The following ACSBG1 variants were observed in gnomAD, a reference collection of about 807,000 sequenced individuals.
ACSBG1 encodes the protein acyl-CoA synthetase bubblegum family member 1.
Under a neutral mutation model 80.2 loss-of-function variants are expected in ACSBG1, and 39 were observed. That is an observed-to-expected ratio of 0.49 (90% CI 0.38 to 0.64). ACSBG1 has a LOEUF of 0.64. ACSBG1 is among the 30% of genes least tolerant of loss of function. The pLI, the probability that ACSBG1 is intolerant of heterozygous loss-of-function variation, is 0.00. For synonymous variants in ACSBG1, 392 were observed against 379.5 expected (o/e 1.03, Z -0.38); for missense variants, 828 against 966.4 (o/e 0.86, Z 1.90).
At chr15:78,182,406 G>GGCCC in intron 7 of ACSBG1, 60 bp downstream of exon 7, 1 of 1,592,406 alleles carries the variant, frequency 6.3e-7, no homozygotes, top group Non-Finnish European at 8.5e-7. Context: ...GCAGAGCCAT[G>GGCCC]GCCCAGATCC....
rs1273870928 is a variant in ACSBG1, at chr15:78,172,488, A to T, written c.2090-959T>A. On this transcript the variant is annotated intron_variant, in intron 13 of 13. Coordinates refer to ENST00000258873, the MANE Select transcript of ACSBG1 (RefSeq NM_015162.5). This position sits in a 1 kb window ranked among gnomAD's most constrained non-coding sequence, Gnocchi z 4.1. ...TTTATCCCCCAAAAGCAAGTTTGAA[A>T]GAGCTCTGATTTGAGGTCCTGGGTA... is the stretch of plus-strand genomic sequence containing the variant. Among the ~76,000 whole-genome samples, 1 of 152,194 alleles carries T rather than the reference A, an allele frequency of 6.6e-6. No homozygotes were observed. Among genetic ancestry groups the T allele is most frequent in the Non-Finnish European group, 1.5e-5 (1 of 68,044 alleles).
chr15:78,207,925 A>ACCCCCCCCCCCCCCCCCCCCCCCCCCC, intron 2 of ACSBG1, 77 bp downstream of exon 2: 2 of 454,978 alleles, frequency 4.4e-6, no homozygotes, highest in East Asian at 6.1e-5. Flanking sequence ...GGTCCCCCAC[A>ACCCCCCCCCCCCCCCCCCCCCCCCCCC]CCACCCACCC....
chr15:78,233,368 C>T lies in ACSBG1; in HGVS notation c.131+1003G>A, dbSNP rs372835179. Among the ~76,000 whole-genome samples, 123 of 152,324 alleles carry T rather than the reference C, an allele frequency of 8.1e-4. 1 individual carries two copies. Among genetic ancestry groups the T allele is most frequent in the African/African-American group, 2.5e-3 (106 of 41,580 alleles). On this transcript the variant is annotated intron_variant, in intron 1 of 13. Coordinates refer to ENST00000258873, the MANE Select transcript of ACSBG1 (RefSeq NM_015162.5). ...GTTCCCATTTCCCTCTATCTTCCTT[C>T]CCCATAACCTTCCATCAGGACAGGG...
rs1270103449 is a variant in ACSBG1, at chr15:78,232,687, CT to C, written c.131+1683del. 2.9e-3 allele frequency among the ~76,000 whole-genome samples: 424 copies of C among 144,228 alleles called. 1 individual carries two copies. The highest frequency in any genetic ancestry group is 6.9e-3 in the African/African-American group (275 of 39,798). The allele number at this position is 144,228 out of a possible 152,430, so 94.6% of individuals were successfully genotyped here. Reference sequence around the variant, plus strand: ...CTGGGCACATTTATTTCTTTTTCTTCTTTTTTTTTTTTTTGAGAAGGACTTT... The same window carrying C: ...CTGGGCACATTTATTTCTTTTTCTTCTTTTTTTTTTTTTGAGAAGGACTTT... On this transcript the variant is annotated intron_variant, in intron 1 of 13. Coordinates refer to ENST00000258873, the MANE Select transcript of ACSBG1 (RefSeq NM_015162.5).
Position 78,194,541 on chromosome 15 carries a change from G to A in ACSBG1, c.418C>T (p.Leu140=), listed in dbSNP as rs2075092901. The change falls in exon 3 of 14, where the codon CTG becomes TTG. Residue 140 remains leucine (L), a synonymous_variant. Coordinates refer to ENST00000258873, the MANE Select transcript of ACSBG1 (RefSeq NM_015162.5). Reference sequence around the variant, plus strand: ...CCCTTGGCGGCTCTGCGGGCGAGCAGGTAGTATTGGGAGTAGGAGATGTGT... The same window carrying A: ...CCCTTGGCGGCTCTGCGGGCGAGCAAGTAGTATTGGGAGTAGGAGATGTGT... ...WEHISYSQYY[L]LARRAAKGFL... 2.5e-6 allele frequency: 4 copies of A among 1,614,140 alleles called. No individual in the cohort carries two copies. The highest frequency in any genetic ancestry group is 3.4e-6 in the Non-Finnish European group (4 of 1,180,056).
At position 78,167,590 on chromosome 15, in the gene ACSBG1, C is replaced by T. The variant is rs1392150765; in HGVS notation, c.*3854G>A. ...AAGTACATTCACATTGTAATGTAAC[C>T]ATCACCATCAGTCATCTCCAGACCA... On this transcript the variant is annotated 3_prime_UTR_variant, in exon 14 of 14. Transcript: ENST00000258873. The T allele has an allele frequency of 6.6e-6, 1 of 152,090 alleles. No individual in the cohort carries two copies. Among genetic ancestry groups the T allele is most frequent in the Non-Finnish European group, 1.5e-5 (1 of 68,020 alleles). The allele number at this position is 152,090 out of a possible 1,614,324, so 9.4% of individuals were successfully genotyped here.
intron 2 of ACSBG1, among the ~76,000 whole-genome samples, chr15:78,200,624 G>A (rs957066675): frequency 6.6e-6 from 1 of 152,152 alleles, no homozygotes; most frequent in Non-Finnish European, 1.5e-5. Flanking sequence ...TGTTCCCACA[G>A]GGGTGCTGCC....
intron 5 of ACSBG1, among the ~76,000 whole-genome samples, chr15:78,183,249 T>C (rs1304164521): frequency 6.6e-6 from 1 of 152,238 alleles, no homozygotes; most frequent in Non-Finnish European, 1.5e-5. Context: ...GGGTGCAATG[T>C]AAATATATGT....
rs2074816175 is a variant in ACSBG1, at chr15:78,171,096, C to T, written c.*348G>A. ...ATCTCTCTCCTACCCGCTCCACAGC[C>T]TACTGCTGGCTGTCCTGTATGTGAG... is the stretch of plus-strand genomic sequence containing the variant. On this transcript the variant is annotated 3_prime_UTR_variant, in exon 14 of 14. Transcript: ENST00000258873. 5.3e-6 allele frequency: 1 copy of T among 189,142 alleles called. No homozygotes were observed. Among genetic ancestry groups the T allele is most frequent in the African/African-American group, 2.4e-5 (1 of 42,484 alleles). The allele number at this position is 189,142 out of a possible 1,614,324, so 11.7% of individuals were successfully genotyped here.
rs954298045 is a variant in ACSBG1 at position 78,169,858 on chromosome 15, A to G, written c.*1586T>C. Reference sequence around the variant, plus strand: ...GAGTGTATTGTAAACTTATTCTTGCATGTTGCTGTCTGGGAATGGACCACA... The same window carrying G: ...GAGTGTATTGTAAACTTATTCTTGCGTGTTGCTGTCTGGGAATGGACCACA... On this transcript the variant is annotated 3_prime_UTR_variant, in exon 14 of 14. Transcript: ENST00000258873. 4 of 152,318 alleles carry G rather than the reference A, an allele frequency of 2.6e-5. No homozygotes were observed. The highest frequency in any genetic ancestry group is 4.1e-4 in the South Asian group (2 of 4,832). 9.4% of individuals were successfully genotyped at this position (152,318 alleles called of 1,614,324 possible). A position where few individuals can be genotyped will look rare whatever the true frequency, so the allele number is the denominator to read the frequency against.
At chr15:78,192,749 T>C (rs1394667303) in intron 5 of ACSBG1, among the ~76,000 whole-genome samples, 3 of 152,172 alleles carry the variant, frequency 2.0e-5, no homozygotes, top group Admixed American at 6.5e-5. Flanking sequence ...TGGAGACCAT[T>C]TGTCCCACCC....
intron 1 of ACSBG1, among the ~76,000 whole-genome samples, chr15:78,218,509 C>A (rs927192452): frequency 6.6e-6 from 1 of 152,154 alleles, no homozygotes; most frequent in African/African-American, 2.4e-5. Context: ...CAGAAGGAGC[C>A]TGGCCTTTTA....
intron 2 of ACSBG1, among the ~76,000 whole-genome samples, chr15:78,204,526 G>A (rs574700272): frequency 6.6e-6 from 1 of 152,352 alleles, no homozygotes; most frequent in South Asian, 2.1e-4. Context: ...GTCCAGGCAG[G>A]GGCTGGGTGG....
At chr15:78,207,844 G>A (rs2075229478) in intron 2 of ACSBG1, 158 bp downstream of exon 2, 1 of 634,948 alleles carries the variant, frequency 1.6e-6, no homozygotes, top group African/African-American at 1.8e-5. Flanking sequence ...GAAGGAAGGG[G>A]CTTGGTGGGG....
At chr15:78,174,749 G>A in intron 11 of ACSBG1, 1 of 555,224 alleles carries the variant, frequency 1.8e-6, no homozygotes, top group Non-Finnish European at 3.2e-6. Flanking sequence ...CCTCTCCTCG[G>A]CTTGTCATCC....
In ACSBG1 at chr15:78,180,675, C is replaced by T. The variant is rs574146982; in HGVS notation, c.1253+80G>A. ...GCCACTGGAACCGGGACAGGCATGG[C>T]GTATCAGACCCTCACTGTGTTTTGG... is the stretch of plus-strand genomic sequence containing the variant. On this transcript the variant is annotated intron_variant, in intron 9 of 13. Coordinates refer to ENST00000258873, the MANE Select transcript of ACSBG1 (RefSeq NM_015162.5). 17 of 1,527,032 alleles carry T rather than the reference C, an allele frequency of 1.1e-5. No homozygotes were observed. In the South Asian group the frequency reaches 1.8e-4, roughly 16 times the overall value. 94.6% of individuals were successfully genotyped at this position (1,527,032 alleles called of 1,614,324 possible).
rs766310526 is a variant in ACSBG1, at chr15:78,234,541, TGA to T, written c.-42_-41del. 3.1e-6 allele frequency: 5 copies of T among 1,598,392 alleles called. No individual in the cohort carries two copies. In the African/African-American group the frequency reaches 5.4e-5, roughly 17 times the overall value. ...CACTGAAGACAGCTCAGTCACCCAC[TGA>T]GAGAGGCTAGCCTTGAGTGAGCAGT... On this transcript the variant is annotated 5_prime_UTR_variant, in exon 1 of 14. Coordinates refer to ENST00000258873, the MANE Select transcript of ACSBG1 (RefSeq NM_015162.5).
intron 2 of ACSBG1, among the ~76,000 whole-genome samples, chr15:78,206,870 C>T (rs989055005): frequency 1.3e-5 from 2 of 152,216 alleles, no homozygotes; most frequent in Non-Finnish European, 2.9e-5. Context: ...CACGGAGCCT[C>T]CCCCACAAAT....
rs547095668 is a variant in ACSBG1 at position 78,178,782 on chromosome 15, C to T, written c.1534G>A (p.Ala512Thr). ...GCRVKLVNQD[A>T]EGIGEICLWG... ...AGGCAGATCTCGCCAATGCCCTCTGCGTCCTGGTTCACCAGCTTCACCCGA... is the reference window on the plus strand; with the variant it reads ...AGGCAGATCTCGCCAATGCCCTCTGTGTCCTGGTTCACCAGCTTCACCCGA... Residue 512 changes from alanine (A) to threonine (T), a missense_variant, in exon 11 of 14, where the codon GCA (alanine) becomes ACA (threonine). By Grantham distance (58) the Ala-to-Thr change is moderately conservative. This residue lies in a region of ACSBG1 where 271 missense variants were observed against 375.9 expected (regional missense o/e 0.72). Coordinates refer to ENST00000258873, the MANE Select transcript of ACSBG1 (RefSeq NM_015162.5). This position sits in a 1 kb window ranked among gnomAD's most constrained non-coding sequence, Gnocchi z 4.3. The T allele has an allele frequency of 1.2e-5, 19 of 1,613,902 alleles. No individual in the cohort carries two copies. Among genetic ancestry groups the T allele is most frequent in the Middle Eastern group, 3.3e-4 (2 of 6,062 alleles).
Sources: gnomAD v4.1 joint callset for allele counts (sites outside exome capture counted in the v4.1 genomes callset) on GRCh38, gnomAD v4.1.1 for gene constraint, gnomAD v4.1.1 regional missense constraint, Gnocchi (gnomAD v3.1) non-coding constraint, MANE v1.5 for transcripts, NCBI Gene and HGNC (gene_info 2026-07-23, HGNC 2026-07-21) for gene names.